NDUFS3: variants seen among roughly 807,000 people sequenced by gnomAD.
The protein encoded by NDUFS3 is NADH dehydrogenase [ubiquinone] iron-sulfur protein 3, mitochondrial.
A neutral mutation model predicts 30.8 loss-of-function variants in NDUFS3; 19 were observed. The ratio of observed to expected loss-of-function variants is 0.62; its 90% confidence interval spans 0.43 to 0.91. The LOEUF (loss-of-function observed/expected upper bound fraction) is 0.91. NDUFS3 is among the 40% of genes least tolerant of loss of function. The pLI is 0.00. For missense variants in NDUFS3, 331 were observed against 342.0 expected, an observed-to-expected ratio of 0.97 and a Z score of 0.25; for synonymous variants, 153 against 135.8, an observed-to-expected ratio of 1.13 and a Z score of -0.88.
In NDUFS3 at chr11:47,581,003, G is replaced by C. The variant is rs774517300; in HGVS notation, c.381+19G>C. The C allele has an allele frequency of 5.0e-6, 8 of 1,614,130 alleles. No homozygotes were observed. The South Asian group carries it at 8.8e-5, about 18-fold the overall frequency. On this transcript the variant is annotated intron_variant, in intron 4 of 6. Coordinates refer to ENST00000263774, the MANE Select transcript of NDUFS3 (RefSeq NM_004551.3). ...TTTTGAGGTCAGTTGGGAGATCTGA[G>C]AAGGTTTTGGGGGTAAGGATATTAA...
intron 6 of NDUFS3, among the ~76,000 whole-genome samples, chr11:47,583,270 C>G (rs1046847862): frequency 6.6e-6 from 1 of 152,018 alleles, no homozygotes; most frequent in Non-Finnish European, 1.5e-5. Context: ...AAACTGGTCT[C>G]GAATTCCTGG....
At chr11:47,581,098 T>A in intron 4 of NDUFS3, 114 bp downstream of exon 4, 1 of 1,315,698 alleles carries the variant, frequency 7.6e-7, no homozygotes, top group Non-Finnish European at 1.1e-6. Context: ...GATCTGAAGT[T>A]GGATCTTGGT....
At position 47,582,451 on chromosome 11, in the gene NDUFS3, C is replaced by T. The variant is rs2097269229; in HGVS notation, c.610C>T (p.Leu204=). 6.2e-7 allele frequency: 1 copy of T among 1,614,066 alleles called. No homozygotes were observed. The change falls in exon 6 of 7, where the codon CTA becomes TTA. Residue 204 remains leucine (L), a synonymous_variant. Transcript: ENST00000263774. The stretch of plus-strand genomic sequence containing the variant: ...ACATCCTTTCCGGAAAGACTTTCCT[C>T]TATCTGGCTATGTTGAGGTAGGAGC... ...EGHPFRKDFP[L]SGYVELRYDD... is the part of the protein sequence containing the mutation.
chr11:47,581,715 A>G (rs1240601784), intron 4 of NDUFS3: 4 of 336,800 alleles, frequency 1.2e-5, no homozygotes, highest in South Asian at 2.5e-5. Context: ...ACACCTAAAC[A>G]GCTTACTGTA....
intron 2 of NDUFS3, chr11:47,579,717 G>GTA: frequency 2.7e-6 from 1 of 375,420 alleles, no homozygotes. Flanking sequence ...GCCTTATGGG[G>GTA]TAGATAGCAT....
At chr11:47,583,922 T>A (rs1215059414) in intron 6 of NDUFS3, among the ~76,000 whole-genome samples, 1 of 152,198 alleles carries the variant, frequency 6.6e-6, no homozygotes, top group Non-Finnish European at 1.5e-5. Context: ...GGCCTGAGGT[T>A]GTGTATCTGC....
At position 47,582,486 on chromosome 11, in the gene NDUFS3, G is replaced by A. The variant is rs1182292824; in HGVS notation, c.627+18G>A. 1 of 1,614,064 alleles carries A rather than the reference G, an allele frequency of 6.2e-7. No homozygotes were observed. The highest frequency in any genetic ancestry group is 8.5e-7 in the Non-Finnish European group (1 of 1,180,014). ...ATGTTGAGGTAGGAGCCTTGGAACT[G>A]GGACAGCAGCCTCAGGGAGGGACTT... On this transcript the variant is annotated intron_variant, in intron 6 of 6. Coordinates refer to ENST00000263774, the MANE Select transcript of NDUFS3 (RefSeq NM_004551.3).
Position 47,579,166 on chromosome 11 carries a change from C to T in NDUFS3, c.67+8C>T. Reference sequence around the variant, plus strand: ...CCTCGGCGCTGACCAGGGGTGAGCACGGGCAGCCAGCTGAGACCGGGGTCA... The same window carrying T: ...CCTCGGCGCTGACCAGGGGTGAGCATGGGCAGCCAGCTGAGACCGGGGTCA... On this transcript the variant is annotated splice_region_variant and intron_variant, in intron 1 of 6. Coordinates refer to ENST00000263774, the MANE Select transcript of NDUFS3 (RefSeq NM_004551.3). 2 of 1,611,370 alleles carry T rather than the reference C, an allele frequency of 1.2e-6. No individual in the cohort carries two copies. The highest frequency in any genetic ancestry group is 1.7e-6 in the Non-Finnish European group (2 of 1,179,138).
At chr11:47,580,706 A>C in intron 3 of NDUFS3, 84 bp downstream of exon 3, 1 of 1,586,006 alleles carries the variant, frequency 6.3e-7, no homozygotes, top group Non-Finnish European at 8.7e-7. Flanking sequence ...ACTTGTTTCA[A>C]AGAAACTACA....
intron 2 of NDUFS3, 65 bp from the exon 3 acceptor site, chr11:47,580,460 A>AGACT: frequency 6.9e-7 from 1 of 1,458,780 alleles, no homozygotes; most frequent in Non-Finnish European, 9.6e-7. Flanking sequence ...CAAGCCTAAG[A>AGACT]GACTGCATGC....
At chr11:47,581,217 G>A in intron 4 of NDUFS3, 1 of 512,834 alleles carries the variant, frequency 1.9e-6, no homozygotes, top group Non-Finnish European at 3.5e-6. Flanking sequence ...GCAGTGGCAT[G>A]ATCTTGGCTC....
chr11:47,579,816 C>G (rs959632815), intron 2 of NDUFS3: 1 of 231,264 alleles, frequency 4.3e-6, no homozygotes, highest in Non-Finnish European at 8.6e-6. Context: ...GTAGGCCTGC[C>G]TGCTGCCAGA....
In NDUFS3 at chr11:47,584,419, T is replaced by TATCG. The variant is rs2097270174; in HGVS notation, c.734_737dup (p.Gln247SerfsTer10). On this transcript the variant is annotated frameshift_variant, in exon 7 of 7. Coordinates refer to ENST00000263774, the MANE Select transcript of NDUFS3 (RefSeq NM_004551.3). LOFTEE classifies it high-confidence loss of function. ...CAGCCCCTGGGAGGCTTTCCCAGTCTATCGCCAACCCCCGGAGAGTCTCAA... is the reference window on the plus strand; with the variant it reads ...CAGCCCCTGGGAGGCTTTCCCAGTCTATCGATCGCCAACCCCCGGAGAGTCTCAA... 6.2e-7 allele frequency: 1 copy of TATCG among 1,614,022 alleles called. No individual in the cohort carries two copies. The highest frequency in any genetic ancestry group is 8.5e-7 in the Non-Finnish European group (1 of 1,180,038).
chr11:47,579,126 G>A lies in NDUFS3; in HGVS notation c.35G>A (p.Arg12His), dbSNP rs926788636. Residue 12 changes from arginine to histidine, a missense_variant, in exon 1 of 7, where the codon CGC becomes CAC. By Grantham distance (29) the Arg-to-His change is conservative. Coordinates refer to ENST00000263774, the MANE Select transcript of NDUFS3 (RefSeq NM_004551.3). ...GCGGCGGTAGCCAGGCTGTGGTGGCGCGGGATCTTGGGGGCCTCGGCGCTG... is the reference window on the plus strand; with the variant it reads ...GCGGCGGTAGCCAGGCTGTGGTGGCACGGGATCTTGGGGGCCTCGGCGCTG... ...AAAAVARLWWRGILGASALTR... is the reference protein window; with the variant it reads ...AAAAVARLWWHGILGASALTR... The A allele has an allele frequency of 6.3e-7, 1 of 1,593,374 alleles. No homozygotes were observed. Among genetic ancestry groups the A allele is most frequent in the African/African-American group, 1.3e-5 (1 of 74,548 alleles).
intron 4 of NDUFS3, 45 bp from the exon 5 acceptor site, chr11:47,582,043 C>T (rs1472695264): frequency 3.1e-6 from 5 of 1,610,784 alleles, no homozygotes; most frequent in African/African-American, 1.3e-5. Context: ...CTCTCCCAAT[C>T]AGGGACTCCC....
chr11:47,579,983 T>TCACA (rs1565940793), intron 2 of NDUFS3, among the ~76,000 whole-genome samples: 1 of 94,386 alleles, frequency 1.1e-5, no homozygotes, highest in East Asian at 2.9e-4. Flanking sequence ...GTTTTCTCAT[T>TCACA]GACACACACA....
chr11:47,583,834 T>A (rs2097269878), intron 6 of NDUFS3, among the ~76,000 whole-genome samples: 1 of 152,202 alleles, frequency 6.6e-6, no homozygotes, highest in South Asian at 2.1e-4. Context: ...ACCTTATCCA[T>A]TTGATCCCCA....
Position 47,582,099 on chromosome 11 carries a change from C to T in NDUFS3, c.393C>T (p.Asn131=). 1 of 1,614,022 alleles carries T rather than the reference C, an allele frequency of 6.2e-7. No homozygotes were observed. Among genetic ancestry groups the T allele is most frequent in the Non-Finnish European group, 8.5e-7 (1 of 1,180,034 alleles). ...TRQNRFEIVY[N]LLSLRFNSRI... is the part of the protein sequence containing the mutation. The stretch of plus-strand genomic sequence containing the variant: ...TCTGTTCTCCCTAGATTGTCTACAA[C>T]CTGTTGTCTCTGCGCTTCAACTCAC... Residue 131 remains asparagine, a synonymous_variant, in exon 5 of 7, where the codon AAC becomes AAT. Coordinates refer to ENST00000263774, the MANE Select transcript of NDUFS3 (RefSeq NM_004551.3).
intron 2 of NDUFS3, 132 bp downstream of exon 2, chr11:47,579,466 C>T (rs1363125227): frequency 3.5e-6 from 4 of 1,136,330 alleles, no homozygotes; most frequent in Non-Finnish European, 5.1e-6. Context: ...TGGTCTTCAC[C>T]CTGCATGCAG....
Sources: allele counts gnomAD v4.1 joint callset (sites outside exome capture counted in the v4.1 genomes callset), GRCh38; gene constraint gnomAD v4.1.1; transcripts MANE v1.5; gene names NCBI Gene and HGNC (gene_info 2026-07-23, HGNC 2026-07-21).